Variants in HYDIN observed in about 807,000 individuals in gnomAD.
The protein encoded by HYDIN is HYDIN axonemal central pair apparatus protein, also known as axonemal central pair apparatus protein HYDIN.
HYDIN carries 132 observed loss-of-function variants against 403.9 expected under a neutral mutation model. The observed-to-expected ratio is 0.33, with a 90% confidence interval of 0.28 to 0.38. The LOEUF is 0.38. Among genes scored for constraint, HYDIN ranks in the 10% least tolerant of loss-of-function variants. The pLI is 1.00. For synonymous variants in HYDIN, 1,202 were observed against 1,891.7 expected (o/e 0.64, Z 9.46); for missense variants, 2,827 against 5,009.5 (o/e 0.56, Z 13.15).
chr16:71,184,921 T>A lies in HYDIN; in HGVS notation c.205A>T (p.Met69Leu). The change falls in exon 3 of 86, where the codon ATG (methionine) becomes TTG (leucine). Residue 69 changes from methionine to leucine, a missense_variant. Physicochemically the swap from Met to Leu is conservative, Grantham distance 15 (BLOSUM62 2). Coordinates refer to ENST00000393567, the MANE Select transcript of HYDIN (RefSeq NM_001270974.2). ...AGTTCGATGATCTGTGGTCGGCACA[T>A]CAAACGTGTTTTTGCCAGTCTCTGC... Reference protein sequence around the residue: ...TEQRLAKTRLMCRPQIIELLD... With the variant: ...TEQRLAKTRLLCRPQIIELLD... 4.3e-6 allele frequency: 7 copies of A among 1,611,440 alleles called. No individual in the cohort carries two copies. Among genetic ancestry groups the A allele is most frequent in the Non-Finnish European group, 5.9e-6 (7 of 1,178,160 alleles).
At chr16:70,990,172 G>C (rs955234122) in intron 25 of HYDIN, among the ~76,000 whole-genome samples, 1 of 151,718 alleles carries the variant, frequency 6.6e-6, no homozygotes, top group Non-Finnish European at 1.5e-5. Flanking sequence ...GAGGCAGGTG[G>C]ATTGCCTGAG....
chr16:71,078,423 C>G (rs905870507), intron 13 of HYDIN, among the ~76,000 whole-genome samples: 5 of 152,074 alleles, frequency 3.3e-5, no homozygotes, highest in African/African-American at 4.8e-5. Context: ...ATATAGCATT[C>G]TCTTATCTGT....
At position 70,879,428 on chromosome 16, in the gene HYDIN, G is replaced by A. The variant is rs780790869; in HGVS notation, c.10426C>T (p.Arg3476Ter). 2.9e-5 allele frequency: 47 copies of A among 1,611,712 alleles called. No homozygotes were observed. The highest frequency in any genetic ancestry group is 3.9e-5 in the Non-Finnish European group (46 of 1,178,606). ...FDIAGEGNLP[R>*]VTVVRPVLHN... Reference sequence around the variant, plus strand: ...AGAACTGGCCGCACAACCGTCACTCGAGGGAGGTTCCCCTCACCAGCGATG... The same window carrying A: ...AGAACTGGCCGCACAACCGTCACTCAAGGGAGGTTCCCCTCACCAGCGATG... Residue 3476 changes from arginine to a stop codon, truncating the protein, a stop_gained, in exon 62 of 86, where the codon CGA becomes TGA. Coordinates refer to ENST00000393567, the MANE Select transcript of HYDIN (RefSeq NM_001270974.2). LOFTEE classifies it high-confidence loss of function.
intron 23 of HYDIN, among the ~76,000 whole-genome samples, chr16:70,993,910 G>A (rs988320311): frequency 1.3e-5 from 2 of 151,780 alleles, no homozygotes; most frequent in African/African-American, 4.8e-5. Context: ...TCATTAATAG[G>A]CTTAGTTTAA....
chr16:70,848,915 ACTT>A (rs1291080453), intron 75 of HYDIN, among the ~76,000 whole-genome samples: 1 of 144,166 alleles, frequency 6.9e-6, no homozygotes, highest in Admixed American at 7.1e-5. Context: ...TTTTAAATGA[ACTT>A]CTTGTTTGCT....
rs554358337 is a variant in HYDIN, at chr16:70,969,518, T to C, written c.5619+1002A>G. On this transcript the variant is annotated intron_variant, in intron 36 of 85. Transcript: ENST00000393567. ...TGAAAGAACTGTCAGCTCAGAATTC[T>C]ATATCCAGTGAGCAAATCCTTCAAG... is the stretch of plus-strand genomic sequence containing the variant. Among the ~76,000 whole-genome samples, 180 of 151,356 alleles carry C rather than the reference T, an allele frequency of 1.2e-3. 1 individual carries two copies. The highest frequency in any genetic ancestry group is 3.4e-3 in the Middle Eastern group (1 of 294).
chr16:70,992,452 A>C (rs1417926511), intron 23 of HYDIN, among the ~76,000 whole-genome samples: 1 of 142,118 alleles, frequency 7.0e-6, no homozygotes, highest in Non-Finnish European at 1.5e-5. Flanking sequence ...CTGAGTGTCC[A>C]TAGCCCCCTG....
rs1244662120 is a variant in HYDIN, at chr16:71,058,108, AC to A, written c.2529+2395del. On this transcript the variant is annotated intron_variant, in intron 18 of 85. Coordinates refer to ENST00000393567, the MANE Select transcript of HYDIN (RefSeq NM_001270974.2). ...CCATTACTGGGTATATACCCAAAGG[AC>A]TATAAATCATGCTGCTATAAAGACA... is the stretch of plus-strand genomic sequence containing the variant. Among the ~76,000 whole-genome samples the A allele has an allele frequency of 9.0e-3, 270 of 29,864 alleles. 7 individuals carry two copies. The highest frequency in any genetic ancestry group is 0.03 in the African/African-American group (247 of 8,280). The allele number at this position is 29,864 out of a possible 152,430, so 19.6% of individuals were successfully genotyped here. A position where few individuals can be genotyped will look rare whatever the true frequency, so the allele number is the denominator to read the frequency against.
intron 18 of HYDIN, among the ~76,000 whole-genome samples, chr16:71,051,222 AATC>A (rs1242974095): frequency 6.6e-6 from 1 of 152,228 alleles, no homozygotes; most frequent in East Asian, 1.9e-4. Context: ...AAAATCATAT[AATC>A]ATCTGGATAG....
At chr16:71,177,551 A>C (rs1250192951) in intron 4 of HYDIN, among the ~76,000 whole-genome samples, 1 of 152,134 alleles carries the variant, frequency 6.6e-6, no homozygotes, top group Non-Finnish European at 1.5e-5. Context: ...AAATCACCCC[A>C]CTGATCTCTG....
intron 1 of HYDIN, among the ~76,000 whole-genome samples, chr16:71,211,984 A>G (rs974211866): frequency 6.6e-6 from 1 of 152,206 alleles, no homozygotes; most frequent in Admixed American, 6.5e-5. Context: ...TGGAGTCTTC[A>G]AAAACGTCAA....
intron 83 of HYDIN, among the ~76,000 whole-genome samples, chr16:70,820,169 G>A (rs1456499211): frequency 1.4e-5 from 2 of 139,716 alleles, no homozygotes; most frequent in Non-Finnish European, 1.6e-5. Flanking sequence ...CATTTAAAGT[G>A]ATTTTTTTTT....
At chr16:70,867,120 C>T (rs1281116394) in intron 66 of HYDIN, among the ~76,000 whole-genome samples, 1 of 130,292 alleles carries the variant, frequency 7.7e-6, no homozygotes, top group African/African-American at 2.9e-5. Context: ...AAAAATAAAA[C>T]AACTCACACA....
At chr16:71,066,625 T>A (rs1378180537) in intron 15 of HYDIN, 3 of 262,516 alleles carry the variant, frequency 1.1e-5, no homozygotes, top group African/African-American at 6.7e-5. Context: ...TGGGATCACA[T>A]CATCATTAGT....
At chr16:71,172,788 G>A (rs1280172241) in intron 5 of HYDIN, among the ~76,000 whole-genome samples, 1 of 152,220 alleles carries the variant, frequency 6.6e-6, no homozygotes, top group Non-Finnish European at 1.5e-5. Flanking sequence ...GAGTAAATGA[G>A]AATGGAGAGT....
At chr16:71,227,315 T>C (rs1188712475) in intron 1 of HYDIN, among the ~76,000 whole-genome samples, 2 of 151,940 alleles carry the variant, frequency 1.3e-5, no homozygotes, top group African/African-American at 4.8e-5. Context: ...CAGAATGAGA[T>C]ACCACTACAC....
intron 82 of HYDIN, among the ~76,000 whole-genome samples, chr16:70,827,622 C>T (rs3764339): frequency 0.046 from 7,057 of 151,944 alleles, 259 homozygotes; most frequent in East Asian, 0.1. Flanking sequence ...CTGTGTGTTA[C>T]AGGCATTAAT....
At chr16:70,925,590 A>C (rs1486463638) in intron 45 of HYDIN, among the ~76,000 whole-genome samples, 1 of 152,180 alleles carries the variant, frequency 6.6e-6, no homozygotes, top group Non-Finnish European at 1.5e-5. Flanking sequence ...CAATGGCAAC[A>C]AAAGACAAAA....
chr16:71,090,815 AT>A (rs2083099057), intron 11 of HYDIN, among the ~76,000 whole-genome samples: 1 of 150,776 alleles, frequency 6.6e-6, no homozygotes, highest in Non-Finnish European at 1.5e-5. Context: ...AGTGACTGCT[AT>A]TTATATCCCC....
Sources: allele counts gnomAD v4.1 joint callset (sites outside exome capture counted in the v4.1 genomes callset), GRCh38; gene constraint gnomAD v4.1.1; transcripts MANE v1.5; gene names NCBI Gene and HGNC (gene_info 2026-07-23, HGNC 2026-07-21).